RUFY3: variants seen among roughly 807,000 people sequenced by gnomAD.
RUFY3 encodes RUN and FYVE domain containing 3, also known as protein RUFY3.
RUFY3 carries 34 observed loss-of-function variants against 84.0 expected under a neutral mutation model. The ratio of observed to expected loss-of-function variants is 0.40; its 90% confidence interval spans 0.31 to 0.54. RUFY3 has a LOEUF of 0.54. RUFY3 is among the 20% of genes least tolerant of loss of function. The pLI is 0.39. For missense variants in RUFY3, 507 were observed against 736.8 expected, an observed-to-expected ratio of 0.69 and a Z score of 3.61; for synonymous variants, 242 against 252.9, an observed-to-expected ratio of 0.96 and a Z score of 0.41.
chr4:70,718,161 G>A (rs555230684), upstream of RUFY3, among the ~76,000 whole-genome samples: 3 of 152,234 alleles, frequency 2.0e-5, no homozygotes, highest in Non-Finnish European at 2.9e-5. Flanking sequence ...GGGATTACAG[G>A]CGTGAGCCAC....
chr4:70,736,263 A>AT (rs1235498925), intron 1 of RUFY3, among the ~76,000 whole-genome samples: 2 of 152,204 alleles, frequency 1.3e-5, no homozygotes, highest in African/African-American at 4.8e-5. Context: ...ATATATTTGC[A>AT]TTGTAAGTCA....
Position 70,807,894 on chromosome 4 carries a change from A to G in RUFY3, c.*1235A>G, listed in dbSNP as rs914381765. Among the ~76,000 whole-genome samples the G allele has an allele frequency of 6.6e-6, 1 of 152,156 alleles. No homozygotes were observed. Among genetic ancestry groups the G allele is most frequent in the African/African-American group, 2.4e-5 (1 of 41,444 alleles). ...CCTTATTCTGAGTGAGTCACGAATGAGAGCTGATAGATGCTTTCTTGAAAA... is the reference window on the plus strand; with the variant it reads ...CCTTATTCTGAGTGAGTCACGAATGGGAGCTGATAGATGCTTTCTTGAAAA... On this transcript the variant is annotated 3_prime_UTR_variant, in exon 18 of 18. Coordinates refer to ENST00000381006, the MANE Select transcript of RUFY3 (RefSeq NM_001037442.4).
At chr4:70,791,374 AT>A in intron 12 of RUFY3, 1 of 1,587,184 alleles carries the variant, frequency 6.3e-7, no homozygotes, top group Non-Finnish European at 8.6e-7. Flanking sequence ...AAGTTACTAC[AT>A]TTAAGCTCTG....
intron 8 of RUFY3, among the ~76,000 whole-genome samples, chr4:70,782,249 A>C (rs1212044638): frequency 2.0e-5 from 3 of 151,922 alleles, no homozygotes; most frequent in Non-Finnish European, 2.9e-5. Flanking sequence ...TCTTAAGTTA[A>C]AACTTTTCAT....
chr4:70,744,736 C>A (rs1034745759), intron 1 of RUFY3, among the ~76,000 whole-genome samples: 3 of 150,170 alleles, frequency 2.0e-5, no homozygotes, highest in African/African-American at 7.4e-5. Context: ...CTCACTGCAA[C>A]CTCCACCTCC....
At chr4:70,741,437 A>T (rs1388500066) in intron 1 of RUFY3, among the ~76,000 whole-genome samples, 1 of 152,156 alleles carries the variant, frequency 6.6e-6, no homozygotes, top group Non-Finnish European at 1.5e-5. Flanking sequence ...TAATAACCGT[A>T]GTTGCTATCT....
rs369046334 is a variant in RUFY3, at chr4:70,789,244, G to T, written c.1240-251G>T. Among the ~76,000 whole-genome samples the T allele has an allele frequency of 2.4e-4, 37 of 152,268 alleles. No individual in the cohort carries two copies. In the South Asian group the frequency reaches 3.1e-3, roughly 13 times the overall value. ...TAATTTCTACTCTGCAGTCTACCGT[G>T]CCAGCTAAGTTATATATTCTATTAG... On this transcript the variant is annotated intron_variant, in intron 11 of 17. Transcript: ENST00000381006.
At chr4:70,780,577 G>C (rs1378752890) in intron 8 of RUFY3, among the ~76,000 whole-genome samples, 1 of 152,210 alleles carries the variant, frequency 6.6e-6, no homozygotes, top group Admixed American at 6.5e-5. Flanking sequence ...ACAGGCATGA[G>C]CCGCCGTACC....
chr4:70,774,549 A>G (rs1727505414), intron 6 of RUFY3, among the ~76,000 whole-genome samples: 1 of 126,692 alleles, frequency 7.9e-6, no homozygotes, highest in South Asian at 2.9e-4. Context: ...CGGGAGGTGG[A>G]GGTTGCAGTG....
In RUFY3 at chr4:70,791,045, T is replaced by A. The variant is rs1476229607; in HGVS notation, c.1337+1453T>A. Among the ~76,000 whole-genome samples, 3 of 152,226 alleles carry A rather than the reference T, an allele frequency of 2.0e-5. 1 individual carries two copies. The highest frequency in any genetic ancestry group is 4.4e-5 in the Non-Finnish European group (3 of 68,018). On this transcript the variant is annotated intron_variant, in intron 12 of 17. Transcript: ENST00000381006. ...CTGTTCATAAATTGTGCTTTTGAAA[T>A]GAAATGTATCAAATTTCTTTTCAAT...
chr4:70,742,296 C>CA (rs1365827065), intron 1 of RUFY3, among the ~76,000 whole-genome samples: 3 of 152,160 alleles, frequency 2.0e-5, no homozygotes, highest in Admixed American at 2.0e-4. Flanking sequence ...ATAGGGAGCT[C>CA]AGAGCGATTT....
intron 14 of RUFY3, among the ~76,000 whole-genome samples, chr4:70,796,215 TAAA>T (rs1444134551): frequency 6.6e-6 from 1 of 152,020 alleles, no homozygotes; most frequent in Non-Finnish European, 1.5e-5. Flanking sequence ...TAAAAAAAAT[TAAA>T]AACACTCTCA....
At chr4:70,728,590 C>T (rs1364716543) in intron 1 of RUFY3, among the ~76,000 whole-genome samples, 1 of 152,168 alleles carries the variant, frequency 6.6e-6, no homozygotes, top group South Asian at 2.1e-4. Context: ...ACTGCCTTTA[C>T]TCTGTAAAGT....
intron 5 of RUFY3, among the ~76,000 whole-genome samples, chr4:70,772,825 T>C (rs1015111652): frequency 6.6e-6 from 1 of 152,136 alleles, no homozygotes; most frequent in African/African-American, 2.4e-5. Context: ...CACACCCAGC[T>C]AATTTTTGTA....
intron 1 of RUFY3, among the ~76,000 whole-genome samples, chr4:70,747,781 G>A (rs1287238211): frequency 6.6e-6 from 1 of 152,172 alleles, no homozygotes; most frequent in Non-Finnish European, 1.5e-5. Context: ...TCAGGAGGCT[G>A]AGGTGGGAGG....
chr4:70,710,625 G>A (rs1740873379), intron 1 of RUFY3, among the ~76,000 whole-genome samples: 1 of 151,900 alleles, frequency 6.6e-6, no homozygotes, highest in African/African-American at 2.4e-5. Context: ...AGCCGAGATT[G>A]CGCCATTGTA....
intron 1 of RUFY3, among the ~76,000 whole-genome samples, chr4:70,729,346 TC>T (rs1718825522): frequency 6.6e-6 from 1 of 152,184 alleles, no homozygotes; most frequent in African/African-American, 2.4e-5. Context: ...AACCTCCACC[TC>T]CTGAGTTCAC....
chr4:70,715,466 C>T (rs1418204386), intron 1 of RUFY3, among the ~76,000 whole-genome samples: 1 of 151,904 alleles, frequency 6.6e-6, no homozygotes, highest in East Asian at 1.9e-4. Flanking sequence ...TGCCCATAAT[C>T]CCAGCTACTT....
At chr4:70,744,471 G>T (rs561484938) in intron 1 of RUFY3, among the ~76,000 whole-genome samples, 2 of 151,818 alleles carry the variant, frequency 1.3e-5, no homozygotes, top group Non-Finnish European at 2.9e-5. Context: ...AACGCACTAG[G>T]ATTGCAGGCT....
Sources: gnomAD v4.1 joint callset for allele counts (sites outside exome capture counted in the v4.1 genomes callset) on GRCh38, gnomAD v4.1.1 for gene constraint, MANE v1.5 for transcripts, NCBI Gene and HGNC (gene_info 2026-07-23, HGNC 2026-07-21) for gene names.